RGS13: variants seen among roughly 807,000 people sequenced by gnomAD.
RGS13 encodes the protein regulator of G-protein signalling 13.
A neutral mutation model predicts 19.9 loss-of-function variants in RGS13; 14 were observed. That is an observed-to-expected ratio of 0.70 (90% confidence interval 0.46 to 1.10). The LOEUF is 1.10. Ranked by LOEUF, RGS13 falls within the 50% of genes least tolerant of loss-of-function variation. The probability of loss-of-function intolerance (pLI) is 0.00; values close to 1 mark genes in which losing one functional copy is unlikely to be tolerated. For synonymous variants in RGS13, 60 were observed against 56.8 expected (o/e 1.06, Z -0.25); for missense variants, 205 against 187.1 (o/e 1.10, Z -0.56).
chr1:192,641,282 GAA>G, intron 3 of RGS13, among the ~76,000 whole-genome samples: 1 of 107,540 alleles, frequency 9.3e-6, no homozygotes, highest in Middle Eastern at 4.5e-3. Flanking sequence ...AAGAAAGAAA[GAA>G]AGAAAGAAAG....
intron 3 of RGS13, among the ~76,000 whole-genome samples, chr1:192,643,486 A>G (rs1663161794): frequency 6.6e-6 from 1 of 152,128 alleles, no homozygotes; most frequent in African/African-American, 2.4e-5. Context: ...AATAAACTCT[A>G]ACTGAATTTT....
At chr1:192,651,709 A>G (rs928223293) in intron 5 of RGS13, among the ~76,000 whole-genome samples, 1 of 152,010 alleles carries the variant, frequency 6.6e-6, no homozygotes, top group African/African-American at 2.4e-5. Flanking sequence ...AAGGAGGAAT[A>G]CAGATGGAAG....
chr1:192,653,576 T>C (rs1663382093), intron 5 of RGS13, among the ~76,000 whole-genome samples: 1 of 151,978 alleles, frequency 6.6e-6, no homozygotes, highest in African/African-American at 2.4e-5. Flanking sequence ...CCTAAAACAA[T>C]AATAATAGAG....
chr1:192,637,865 A>G (rs1027830743), intron 2 of RGS13, among the ~76,000 whole-genome samples: 3 of 152,092 alleles, frequency 2.0e-5, no homozygotes, highest in Non-Finnish European at 4.4e-5. Context: ...CTAACAAAAT[A>G]AATTTATCAA....
chr1:192,657,656 T>C (rs1242660464), intron 5 of RGS13, among the ~76,000 whole-genome samples: 4 of 152,162 alleles, frequency 2.6e-5, no homozygotes, highest in Non-Finnish European at 4.4e-5. Context: ...ACCATGAATA[T>C]GAAGTTGAAT....
At chr1:192,655,990 A>C (rs1663431278) in intron 5 of RGS13, among the ~76,000 whole-genome samples, 1 of 152,126 alleles carries the variant, frequency 6.6e-6, no homozygotes, top group Admixed American at 6.6e-5. Context: ...CCAGCCCAAA[A>C]AAGAAACAGG....
At chr1:192,654,148 T>G (rs950188795) in intron 5 of RGS13, among the ~76,000 whole-genome samples, 1 of 151,734 alleles carries the variant, frequency 6.6e-6, no homozygotes, top group African/African-American at 2.4e-5. Context: ...AATTAAGTAT[T>G]TCTCAATAAT....
At chr1:192,656,993 T>A (rs1005671601) in intron 5 of RGS13, among the ~76,000 whole-genome samples, 7 of 152,082 alleles carry the variant, frequency 4.6e-5, no homozygotes, top group Non-Finnish European at 5.9e-5. Context: ...TTATTTCTCA[T>A]AATAGTAAAT....
At position 192,659,445 on chromosome 1, in the gene RGS13, G is replaced by A. The variant is rs752620857; in HGVS notation, c.402G>A (p.Arg134=). 2.5e-6 allele frequency: 4 copies of A among 1,612,598 alleles called. No homozygotes were observed. The highest frequency in any genetic ancestry group is 1.7e-6 in the Non-Finnish European group (2 of 1,179,244). The change falls in exon 7 of 7, where the codon AGG becomes AGA. Residue 134 remains arginine (R), a synonymous_variant. Coordinates refer to ENST00000391995, the MANE Select transcript of RGS13 (RefSeq NM_002927.5). ...AQKIVYMHME[R]DSYPRFLKSE... ...AAATAGTCTATATGCATATGGAAAG[G>A]GATTCCTACCCCAGATTTCTAAAGT...
chr1:192,640,978 T>A (rs1663093597), intron 3 of RGS13, among the ~76,000 whole-genome samples: 1 of 152,000 alleles, frequency 6.6e-6, no homozygotes, highest in African/African-American at 2.4e-5. Context: ...ACATTGTAAC[T>A]TGACTTTATT....
At chr1:192,652,450 C>T (rs4568808) in intron 5 of RGS13, among the ~76,000 whole-genome samples, 72,344 of 151,788 alleles carry the variant, frequency 0.48, 19,060 homozygotes, top group African/African-American at 0.71. Flanking sequence ...GTTGCCATGG[C>T]TCCCTTCATC....
intron 3 of RGS13, among the ~76,000 whole-genome samples, chr1:192,640,210 T>G (rs922364030): frequency 3.9e-5 from 6 of 152,142 alleles, no homozygotes; most frequent in Non-Finnish European, 7.4e-5. Flanking sequence ...TGCGAGTCAT[T>G]GTGTAACTAC....
intron 3 of RGS13, among the ~76,000 whole-genome samples, chr1:192,643,173 T>G (rs1663156127): frequency 6.6e-6 from 1 of 151,990 alleles, no homozygotes; most frequent in African/African-American, 2.4e-5. Context: ...ATCACATGTA[T>G]TTTAATTGCT....
intron 5 of RGS13, among the ~76,000 whole-genome samples, chr1:192,656,457 C>A (rs1663442022): frequency 6.6e-6 from 1 of 151,896 alleles, no homozygotes; most frequent in African/African-American, 2.4e-5. Flanking sequence ...TCTGTTCCAA[C>A]CTTTCTGTGC....
chr1:192,659,927 CTAAA>C lies in RGS13; in HGVS notation c.*408_*411del, dbSNP rs1663590813. 1.3e-5 allele frequency: 2 copies of C among 156,408 alleles called. No individual in the cohort carries two copies. Among genetic ancestry groups the C allele is most frequent in the African/African-American group, 4.8e-5 (2 of 41,438 alleles). 9.7% of individuals were successfully genotyped at this position (156,408 alleles called of 1,614,324 possible). A position where few individuals can be genotyped will look rare whatever the true frequency, so the allele number is the denominator to read the frequency against. On this transcript the variant is annotated 3_prime_UTR_variant, in exon 7 of 7. Transcript: ENST00000391995. ...TAGCATGAATGTTCTATAGAGTACT[CTAAA>C]TAACTTGAATTTATAGACAAATGCT... is the stretch of plus-strand genomic sequence containing the variant.
intron 4 of RGS13, chr1:192,647,229 A>G (rs1663238626): frequency 6.6e-6 from 1 of 152,156 alleles, no homozygotes; most frequent in African/African-American, 2.4e-5. Flanking sequence ...GCAATTTGGC[A>G]GTCTGTACCA....
intron 5 of RGS13, among the ~76,000 whole-genome samples, chr1:192,648,407 G>A (rs1244079491): frequency 6.6e-6 from 1 of 152,048 alleles, no homozygotes; most frequent in East Asian, 1.9e-4. Flanking sequence ...GATTTAAGTG[G>A]GACTATACAT....
intron 2 of RGS13, 95 bp from the exon 3 acceptor site, chr1:192,638,069 T>C (rs1663044954): frequency 6.6e-6 from 1 of 152,108 alleles, no homozygotes; most frequent in African/African-American, 2.4e-5. Context: ...TAAATATTGT[T>C]GAATGTAGGA....
chr1:192,639,059 G>A (rs1172643500), intron 3 of RGS13, among the ~76,000 whole-genome samples: 1 of 152,060 alleles, frequency 6.6e-6, no homozygotes, highest in African/African-American at 2.4e-5. Context: ...TTGGACCAAA[G>A]AACCCTCACT....
Sources: allele counts gnomAD v4.1 joint callset (sites outside exome capture counted in the v4.1 genomes callset), GRCh38; gene constraint gnomAD v4.1.1; transcripts MANE v1.5; gene names NCBI Gene and HGNC (gene_info 2026-07-23, HGNC 2026-07-21).